ITM2B: variants seen among roughly 807,000 people sequenced by gnomAD.
The protein encoded by ITM2B is ABri/ADan amyloid peptide.
Under a neutral mutation model 27.8 loss-of-function variants are expected in ITM2B, and 11 were observed. The observed-to-expected ratio is 0.40, with a 90% confidence interval of 0.25 to 0.66. The LOEUF (loss-of-function observed/expected upper bound fraction) is 0.66. Among genes scored for constraint, ITM2B ranks in the 30% least tolerant of loss-of-function variants. The pLI, the probability that ITM2B is intolerant of heterozygous loss-of-function variation, is 0.43. For synonymous variants in ITM2B, 114 were observed against 114.3 expected, an observed-to-expected ratio of 1.00 and a Z score of 0.02; for missense variants, 296 against 328.9, an observed-to-expected ratio of 0.90 and a Z score of 0.77.
chr13:48,256,219 G>A lies in ITM2B; in HGVS notation c.289G>A (p.Asp97Asn). 6.2e-7 allele frequency: 1 copy of A among 1,613,804 alleles called. No homozygotes were observed. Among genetic ancestry groups the A allele is most frequent in the Non-Finnish European group, 8.5e-7 (1 of 1,179,772 alleles). Residue 97 changes from aspartate (D) to asparagine (N), a missense_variant, in exon 3 of 6, where the codon GAT becomes AAT. Asp to Asn is a conservative substitution (Grantham distance 23, BLOSUM62 1). Coordinates refer to ENST00000647800, the MANE Select transcript of ITM2B (RefSeq NM_021999.5). Reference sequence around the variant, plus strand: ...CTGTGGAATAAAGTACATCAAAGATGATGTCATCTTAAATGAGCCCTCTGC... The same window carrying A: ...CTGTGGAATAAAGTACATCAAAGATAATGTCATCTTAAATGAGCCCTCTGC... ...YYCGIKYIKD[D>N]VILNEPSADA...
chr13:48,257,146 G>T (rs956721907), intron 3 of ITM2B, among the ~76,000 whole-genome samples: 5 of 152,068 alleles, frequency 3.3e-5, no homozygotes, highest in African/African-American at 1.2e-4. Flanking sequence ...TAATAAAACA[G>T]TTATAACAAA....
chr13:48,269,229 GCTCTAC>G lies in ITM2B; in HGVS notation c.*8008_*8013del, dbSNP rs1211675182. 6.6e-6 allele frequency: 1 copy of G among 151,804 alleles called. No homozygotes were observed. The highest frequency in any genetic ancestry group is 1.5e-5 in the Non-Finnish European group (1 of 67,990). The allele number at this position is 151,804 out of a possible 1,614,324, so 9.4% of individuals were successfully genotyped here. ...TCAAATCCATCAGCCAATCTGGTGT[GCTCTAC>G]CTTCAAGATACGGATTATCCAGAAT... is the stretch of plus-strand genomic sequence containing the variant. On this transcript the variant is annotated 3_prime_UTR_variant, in exon 6 of 6. Transcript: ENST00000647800.
intron 1 of ITM2B, among the ~76,000 whole-genome samples, chr13:48,247,333 G>C (rs1349609834): frequency 6.6e-6 from 1 of 152,030 alleles, no homozygotes; most frequent in African/African-American, 2.4e-5. Flanking sequence ...TGAATAAATG[G>C]TATTGGTTCT....
At position 48,265,158 on chromosome 13, in the gene ITM2B, A is replaced by G. The variant is rs1254220493; in HGVS notation, c.*3934A>G. ...GCATTTGTGTTTATATTTTCATTGT[A>G]AAAATATCAAATAATACAGTTTTTG... On this transcript the variant is annotated 3_prime_UTR_variant, in exon 6 of 6. Transcript: ENST00000647800. 6.6e-6 allele frequency: 1 copy of G among 152,156 alleles called. No individual in the cohort carries two copies. The highest frequency in any genetic ancestry group is 2.4e-5 in the African/African-American group (1 of 41,414). 9.4% of individuals were successfully genotyped at this position (152,156 alleles called of 1,614,324 possible).
At chr13:48,242,367 A>C (rs996297195) in intron 1 of ITM2B, among the ~76,000 whole-genome samples, 1 of 151,786 alleles carries the variant, frequency 6.6e-6, no homozygotes, top group African/African-American at 2.4e-5. Context: ...TGTGTCTTCA[A>C]ACTCACCAGG....
chr13:48,260,816 C>CT (rs1232326206), intron 5 of ITM2B, among the ~76,000 whole-genome samples: 1 of 152,128 alleles, frequency 6.6e-6, no homozygotes, highest in African/African-American at 2.4e-5. Context: ...GTGTGCAACT[C>CT]TGAGTTTCCA....
At chr13:48,256,431 T>G (rs749561578) in intron 3 of ITM2B, 48 bp downstream of exon 3, 7 of 1,371,332 alleles carry the variant, frequency 5.1e-6, no homozygotes, top group South Asian at 1.2e-5. Flanking sequence ...TTCTGTAGTT[T>G]ATGCTTTTTG....
chr13:48,265,321 G>T lies in ITM2B; in HGVS notation c.*4097G>T, dbSNP rs182554205. On this transcript the variant is annotated 3_prime_UTR_variant, in exon 6 of 6. Transcript: ENST00000647800. ...CCCTAGTGACTAAGCAGATGCAAAC[G>T]CCTTCTTCTTTCCAAACAGTGTGGT... The T allele has an allele frequency of 6.6e-6, 1 of 152,010 alleles. No homozygotes were observed. Among genetic ancestry groups the T allele is most frequent in the African/African-American group, 2.4e-5 (1 of 41,376 alleles). The allele number at this position is 152,010 out of a possible 1,614,324, so 9.4% of individuals were successfully genotyped here.
chr13:48,233,560 A>T, intron 1 of ITM2B, 83 bp downstream of exon 1: 1 of 887,220 alleles, frequency 1.1e-6, no homozygotes. Flanking sequence ...GTGCGCCCCG[A>T]GGTGGCGGGC....
chr13:48,259,635 A>G (rs190591609), intron 5 of ITM2B, among the ~76,000 whole-genome samples: 29 of 151,314 alleles, frequency 1.9e-4, no homozygotes, highest in African/African-American at 7.0e-4. Flanking sequence ...TTTTGCTAGC[A>G]TTTTAAATAA....
rs1951835016 is a variant in ITM2B at position 48,263,736 on chromosome 13, C to G, written c.*2512C>G. 1.3e-5 allele frequency: 2 copies of G among 152,182 alleles called. No homozygotes were observed. The highest frequency in any genetic ancestry group is 2.1e-4 in the South Asian group (1 of 4,830). 9.4% of individuals were successfully genotyped at this position (152,182 alleles called of 1,614,324 possible). On this transcript the variant is annotated 3_prime_UTR_variant, in exon 6 of 6. Transcript: ENST00000647800. The stretch of plus-strand genomic sequence containing the variant: ...AGGTCCTCCTTCCTCACAGAAAGCT[C>G]TCTTCTCTCTGTGACCTTATATCAC...
chr13:48,259,090 A>G (rs369564953), intron 5 of ITM2B, 143 bp downstream of exon 5: 7 of 633,558 alleles, frequency 1.1e-5, no homozygotes, highest in East Asian at 2.8e-5. Context: ...CCAGGTTTCT[A>G]TAGAATTATC....
chr13:48,244,145 A>G (rs1230787392), intron 1 of ITM2B, among the ~76,000 whole-genome samples: 6 of 152,228 alleles, frequency 3.9e-5, no homozygotes, highest in African/African-American at 7.2e-5. Context: ...TATTGATCAT[A>G]TATTCAGAAG....
intron 5 of ITM2B, 95 bp downstream of exon 5, chr13:48,259,042 C>A: frequency 1.2e-6 from 1 of 809,966 alleles, no homozygotes; most frequent in Non-Finnish European, 2.0e-6. Context: ...AATATACCTG[C>A]CATGAGTGAG....
rs1017868490 is a variant in ITM2B at position 48,265,278 on chromosome 13, A to C, written c.*4054A>C. Reference sequence around the variant, plus strand: ...CGTGCGATACAATAATGTGTGACACAAAATGACCTAGTTCTTGCCCTAGTG... The same window carrying C: ...CGTGCGATACAATAATGTGTGACACCAAATGACCTAGTTCTTGCCCTAGTG... On this transcript the variant is annotated 3_prime_UTR_variant, in exon 6 of 6. Transcript: ENST00000647800. 6.6e-6 allele frequency: 1 copy of C among 152,210 alleles called. No individual in the cohort carries two copies. Among genetic ancestry groups the C allele is most frequent in the African/African-American group, 2.4e-5 (1 of 41,450 alleles). The allele number at this position is 152,210 out of a possible 1,614,324, so 9.4% of individuals were successfully genotyped here.
intron 5 of ITM2B, among the ~76,000 whole-genome samples, chr13:48,259,787 G>A (rs2137996688): frequency 6.6e-6 from 1 of 151,698 alleles, no homozygotes; most frequent in Non-Finnish European, 1.5e-5. Context: ...GTGAGGTTTG[G>A]GGTACAGATG....
chr13:48,270,090 TTCCTTTAACCCTATCATATTGC>T lies in ITM2B; in HGVS notation c.*8868_*8889del, dbSNP rs1012644990. 3 of 152,226 alleles carry T rather than the reference TTCCTTTAACCCTATCATATTGC, an allele frequency of 2.0e-5. No homozygotes were observed. The highest frequency in any genetic ancestry group is 7.2e-5 in the African/African-American group (3 of 41,446). 9.4% of individuals were successfully genotyped at this position (152,226 alleles called of 1,614,324 possible). ...CACAGAACCGTGGGCACTGCTTCCC[TTCCTTTAACCCTATCATATTGC>T]TGCCCAGTGAGCAATATGGTCATTG... On this transcript the variant is annotated 3_prime_UTR_variant, in exon 6 of 6. Transcript: ENST00000647800.
intron 1 of ITM2B, among the ~76,000 whole-genome samples, chr13:48,240,247 C>T (rs547415317): frequency 1.3e-5 from 2 of 152,206 alleles, no homozygotes; most frequent in African/African-American, 4.8e-5. Context: ...GCCCTGTCAC[C>T]CAGGCAGGAA....
chr13:48,241,133 C>G (rs548076715), intron 1 of ITM2B, among the ~76,000 whole-genome samples: 1 of 152,230 alleles, frequency 6.6e-6, no homozygotes, highest in Non-Finnish European at 1.5e-5. Flanking sequence ...TTCCCTTGGC[C>G]TGGCATCCTT....
Sources: gnomAD v4.1 joint callset for allele counts (sites outside exome capture counted in the v4.1 genomes callset) on GRCh38, gnomAD v4.1.1 for gene constraint, MANE v1.5 for transcripts, NCBI Gene and HGNC (gene_info 2026-07-23, HGNC 2026-07-21) for gene names.